BACH2: variants seen among roughly 807,000 people sequenced by gnomAD.
BACH2 encodes BACH transcriptional regulator 2.
In BACH2, 5 loss-of-function variants were observed where a neutral mutation model predicts 61.8. The observed-to-expected ratio is 0.08, with a 90% CI of 0.04 to 0.17. The LOEUF (loss-of-function observed/expected upper bound fraction) is 0.17. BACH2 is among the 10% of genes least tolerant of loss of function. The probability of loss-of-function intolerance (pLI) is 1.00; values close to 1 mark genes in which losing one functional copy is unlikely to be tolerated. For missense variants in BACH2, 824 were observed against 1,091.1 expected (o/e 0.76, Z 3.45); for synonymous variants, 446 against 440.1 (o/e 1.01, Z -0.17).
chr6:89,979,876 G>A (rs1371050380), intron 6 of BACH2, among the ~76,000 whole-genome samples: 1 of 152,078 alleles, frequency 6.6e-6, no homozygotes, highest in Non-Finnish European at 1.5e-5. Flanking sequence ...TTAGACACTG[G>A]GCTACCGAAA....
intron 4 of BACH2, among the ~76,000 whole-genome samples, chr6:90,101,005 G>C (rs1463979061): frequency 2.0e-5 from 3 of 152,106 alleles, no homozygotes; most frequent in Non-Finnish European, 4.4e-5. Flanking sequence ...GACCAATGAT[G>C]CTGAACATCT....
At chr6:90,048,541 A>T (rs991514704) in intron 5 of BACH2, among the ~76,000 whole-genome samples, 1 of 152,228 alleles carries the variant, frequency 6.6e-6, no homozygotes, top group Non-Finnish European at 1.5e-5. Context: ...CCTAGGAAAG[A>T]TCCTAAGAAC....
chr6:90,269,220 T>C (rs1771443364), intron 2 of BACH2, among the ~76,000 whole-genome samples: 1 of 152,030 alleles, frequency 6.6e-6, no homozygotes, highest in African/African-American at 2.4e-5. Flanking sequence ...TTTAATAAAG[T>C]TTCACCTACC....
At chr6:90,197,928 G>A (rs1768814242) in intron 4 of BACH2, among the ~76,000 whole-genome samples, 1 of 152,194 alleles carries the variant, frequency 6.6e-6, no homozygotes, top group Admixed American at 6.5e-5. Context: ...CAAGAATGAA[G>A]TGGGACTGAA....
At chr6:90,005,341 G>C (rs1777352653) in intron 6 of BACH2, among the ~76,000 whole-genome samples, 1 of 151,722 alleles carries the variant, frequency 6.6e-6, no homozygotes, top group Non-Finnish European at 1.5e-5. Context: ...GTGACTAAGA[G>C]GAGGGCAGGG....
At chr6:90,215,375 C>G (rs1025252336) in intron 3 of BACH2, among the ~76,000 whole-genome samples, 3 of 152,178 alleles carry the variant, frequency 2.0e-5, no homozygotes, top group Admixed American at 2.0e-4. Context: ...ACAAGCAATT[C>G]CTGTGTGAGT....
intron 2 of BACH2, among the ~76,000 whole-genome samples, chr6:90,254,854 A>G (rs1419317070): frequency 6.6e-6 from 1 of 152,172 alleles, no homozygotes; most frequent in Non-Finnish European, 1.5e-5. Context: ...AAGTTATTGT[A>G]ATGTTTCAAA....
At chr6:90,087,976 T>C (rs1782006413) in intron 5 of BACH2, among the ~76,000 whole-genome samples, 2 of 150,736 alleles carry the variant, frequency 1.3e-5, no homozygotes, top group African/African-American at 2.5e-5. Context: ...TCATTCTTTC[T>C]ATTTTTTTTT....
chr6:90,186,600 C>G (rs1768364761), intron 4 of BACH2, among the ~76,000 whole-genome samples: 1 of 152,080 alleles, frequency 6.6e-6, no homozygotes, highest in Non-Finnish European at 1.5e-5. Context: ...GTAAAATATG[C>G]AGGAAATGTG....
intron 3 of BACH2, among the ~76,000 whole-genome samples, chr6:90,216,975 A>G (rs1769559476): frequency 6.6e-6 from 1 of 152,202 alleles, no homozygotes; most frequent in Non-Finnish European, 1.5e-5. Context: ...ATTCAAGGAT[A>G]TGGGTAGACT....
intron 2 of BACH2, among the ~76,000 whole-genome samples, chr6:90,263,627 T>G (rs186036470): frequency 1.1e-4 from 17 of 152,330 alleles, no homozygotes; most frequent in African/African-American, 3.1e-4. Flanking sequence ...CATTTTTTCT[T>G]GCGCTGACTC....
chr6:90,164,422 T>C (rs1562482335), intron 4 of BACH2, among the ~76,000 whole-genome samples: 2 of 151,990 alleles, frequency 1.3e-5, no homozygotes, highest in Admixed American at 6.6e-5. Context: ...CAATAATTAA[T>C]AGCTTACCAA....
intron 4 of BACH2, among the ~76,000 whole-genome samples, chr6:90,106,699 T>C (rs1003290885): frequency 6.6e-6 from 1 of 152,226 alleles, no homozygotes; most frequent in African/African-American, 2.4e-5. Context: ...CATCAAAGTC[T>C]TGACCACCAA....
At chr6:90,149,574 C>T (rs891334610) in intron 4 of BACH2, among the ~76,000 whole-genome samples, 1 of 152,078 alleles carries the variant, frequency 6.6e-6, no homozygotes, top group African/African-American at 2.4e-5. Flanking sequence ...TGGGGGATGC[C>T]CATTGTAAAA....
chr6:90,114,164 CTA>C (rs1221218202), intron 4 of BACH2, among the ~76,000 whole-genome samples: 3 of 152,090 alleles, frequency 2.0e-5, no homozygotes, highest in Non-Finnish European at 2.9e-5. Context: ...CCAACTCACT[CTA>C]TGAGTCCAGC....
intron 4 of BACH2, among the ~76,000 whole-genome samples, chr6:90,180,912 C>A (rs973627251): frequency 1.3e-5 from 2 of 151,888 alleles, no homozygotes; most frequent in Non-Finnish European, 2.9e-5. Flanking sequence ...GTTTTATCCA[C>A]TCATCATCTG....
intron 4 of BACH2, among the ~76,000 whole-genome samples, chr6:90,125,876 T>A (rs998655332): frequency 1.3e-5 from 2 of 152,330 alleles, no homozygotes; most frequent in Admixed American, 1.3e-4. Context: ...AAAACCCACC[T>A]CATCCACCCC....
intron 6 of BACH2, among the ~76,000 whole-genome samples, chr6:89,976,367 A>AG (rs1337922423): frequency 1.3e-5 from 2 of 152,234 alleles, no homozygotes; most frequent in Admixed American, 1.3e-4. Flanking sequence ...CTACTGCCTT[A>AG]GGGGGCATCT....
rs1362247967 is a variant in BACH2 at position 89,950,227 on chromosome 6, C to G, written c.1836+43G>C. ...GCAGGGAGTAGTCCAGATAAAGGGC[C>G]TAGAGAGTGGGTCACATGCTTGAAT... is the stretch of plus-strand genomic sequence containing the variant. On this transcript the variant is annotated intron_variant, in intron 7 of 8. Transcript: ENST00000257749. The surrounding 1 kb of genome is among the most constrained non-coding windows in gnomAD (Gnocchi z 5.3). 1 of 1,610,920 alleles carries G rather than the reference C, an allele frequency of 6.2e-7. No individual in the cohort carries two copies. Among genetic ancestry groups the G allele is most frequent in the Non-Finnish European group, 8.5e-7 (1 of 1,177,452 alleles).
Sources: allele counts gnomAD v4.1 joint callset (sites outside exome capture counted in the v4.1 genomes callset), GRCh38; gene constraint gnomAD v4.1.1; non-coding constraint Gnocchi (gnomAD v3.1); transcripts MANE v1.5; gene names NCBI Gene and HGNC (gene_info 2026-07-23, HGNC 2026-07-21).